Variants in BMPR2 observed in about 807,000 individuals in gnomAD.
The protein encoded by BMPR2 is bone morphogenetic protein receptor type 2.
In BMPR2, 29 loss-of-function variants were observed where a neutral mutation model predicts 100.8. The observed-to-expected ratio is 0.29, with a 90% CI of 0.21 to 0.39. The LOEUF (loss-of-function observed/expected upper bound fraction) is 0.39, where lower values mean the gene tolerates loss of function less well. Ranked by LOEUF, BMPR2 falls within the 10% of genes least tolerant of loss-of-function variation. The probability of loss-of-function intolerance (pLI) is 1.00; values close to 1 mark genes in which losing one functional copy is unlikely to be tolerated. For synonymous variants in BMPR2, 382 were observed against 442.3 expected (o/e 0.86, Z 1.71); for missense variants, 1,011 against 1,274.5 (o/e 0.79, Z 3.15).
intron 7 of BMPR2, among the ~76,000 whole-genome samples, chr2:202,526,805 T>C (rs924079805): frequency 5.9e-5 from 9 of 152,224 alleles, no homozygotes; most frequent in African/African-American, 1.9e-4. Context: ...GGGTAATACC[T>C]TTTTAAAAAC....
intron 3 of BMPR2, among the ~76,000 whole-genome samples, chr2:202,512,450 G>T (rs1687642372): frequency 6.6e-6 from 1 of 152,156 alleles, no homozygotes. Flanking sequence ...CTCAACTAAA[G>T]GCTCTTATCC....
At chr2:202,394,060 T>C (rs1690611774) in intron 1 of BMPR2, among the ~76,000 whole-genome samples, 1 of 152,084 alleles carries the variant, frequency 6.6e-6, no homozygotes, top group Non-Finnish European at 1.5e-5. Context: ...GTATAAAAGA[T>C]TACTCCTGGC....
At chr2:202,499,301 A>C in intron 3 of BMPR2, among the ~76,000 whole-genome samples, 1 of 152,206 alleles carries the variant, frequency 6.6e-6, no homozygotes, top group Non-Finnish European at 1.5e-5. Context: ...CTTTAATGAA[A>C]AGAATGCGGC....
intron 1 of BMPR2, among the ~76,000 whole-genome samples, chr2:202,395,226 T>C (rs753458865): frequency 6.6e-6 from 1 of 152,224 alleles, no homozygotes; most frequent in Non-Finnish European, 1.5e-5. Flanking sequence ...TTCTTCATGT[T>C]GTAAGATACA....
chr2:202,398,681 T>A (rs1690701635), intron 1 of BMPR2, among the ~76,000 whole-genome samples: 1 of 152,242 alleles, frequency 6.6e-6, no homozygotes, highest in Non-Finnish European at 1.5e-5. Flanking sequence ...TATAAGGAGA[T>A]ATTGAGCAAA....
In BMPR2 at chr2:202,460,609, C is replaced by T. The variant is rs181785048; in HGVS notation, c.77-4200C>T. ...TTGAATAAGAGGATTGGAAGAACAC[C>T]TTGAGAAACTCTCACAGAAGCAGAG... On this transcript the variant is annotated intron_variant, in intron 1 of 12. Transcript: ENST00000374580. Among the ~76,000 whole-genome samples, 346 of 152,100 alleles carry T rather than the reference C, an allele frequency of 2.3e-3. 1 individual carries two copies. The highest frequency in any genetic ancestry group is 7.8e-3 in the African/African-American group (324 of 41,498).
intron 1 of BMPR2, among the ~76,000 whole-genome samples, chr2:202,427,510 G>C (rs1248589695): frequency 6.7e-6 from 1 of 149,328 alleles, no homozygotes; most frequent in African/African-American, 2.5e-5. Flanking sequence ...AAAAAAACAA[G>C]AAGCAAGCCC....
intron 9 of BMPR2, among the ~76,000 whole-genome samples, chr2:202,540,135 G>T (rs1373262654): frequency 1.3e-5 from 2 of 152,024 alleles, no homozygotes; most frequent in Non-Finnish European, 2.9e-5. Context: ...AAAAGATTGT[G>T]CTTCAATTTC....
At chr2:202,543,599 C>T (rs940323616) in intron 10 of BMPR2, among the ~76,000 whole-genome samples, 4 of 151,936 alleles carry the variant, frequency 2.6e-5, no homozygotes, top group African/African-American at 7.3e-5. Context: ...TATCACTCTC[C>T]GTAAGTAACT....
intron 5 of BMPR2, among the ~76,000 whole-genome samples, chr2:202,516,583 T>A (rs1309190517): frequency 6.6e-6 from 1 of 151,740 alleles, no homozygotes; most frequent in Non-Finnish European, 1.5e-5. Context: ...GAGGCTGAGG[T>A]TGAAGGATCA....
At chr2:202,378,256 G>A (rs1559287229) in intron 1 of BMPR2, among the ~76,000 whole-genome samples, 1 of 152,140 alleles carries the variant, frequency 6.6e-6, no homozygotes, top group Non-Finnish European at 1.5e-5. Context: ...TCTAAAGGGT[G>A]GTAGTCATCC....
intron 1 of BMPR2, among the ~76,000 whole-genome samples, chr2:202,387,401 A>G (rs1690452580): frequency 6.6e-6 from 1 of 152,218 alleles, no homozygotes; most frequent in Admixed American, 6.5e-5. Flanking sequence ...TATTCTGCAG[A>G]TGAGTAAACT....
At chr2:202,475,690 A>G (rs1238284912) in intron 3 of BMPR2, among the ~76,000 whole-genome samples, 2 of 152,080 alleles carry the variant, frequency 1.3e-5, no homozygotes, top group Non-Finnish European at 1.5e-5. Flanking sequence ...AAAATTTTAC[A>G]TTACTTATTT....
At chr2:202,522,282 C>T (rs1035955607) in intron 7 of BMPR2, among the ~76,000 whole-genome samples, 19 of 151,806 alleles carry the variant, frequency 1.3e-4, no homozygotes, top group African/African-American at 3.4e-4. Context: ...CCGAGGTGGG[C>T]GGATCACAAG....
intron 1 of BMPR2, among the ~76,000 whole-genome samples, chr2:202,396,494 A>G (rs938783211): frequency 1.3e-5 from 2 of 152,202 alleles, no homozygotes; most frequent in African/African-American, 4.8e-5. Context: ...TTTACCAGGT[A>G]GATTCTTCTC....
At chr2:202,453,310 T>C (rs1692026667) in intron 1 of BMPR2, among the ~76,000 whole-genome samples, 1 of 152,068 alleles carries the variant, frequency 6.6e-6, no homozygotes, top group South Asian at 2.1e-4. Context: ...TAATACTAAG[T>C]ATATACCCAA....
intron 3 of BMPR2, among the ~76,000 whole-genome samples, chr2:202,482,569 C>G (rs1692681416): frequency 6.7e-6 from 1 of 149,068 alleles, no homozygotes; most frequent in African/African-American, 2.5e-5. Context: ...GACGGAGTCT[C>G]ACTGTGTCGC....
chr2:202,555,568 C>T lies in BMPR2; in HGVS notation c.1903C>T (p.Pro635Ser). ...GMTTISEMPY[P>S]DETNLHTTNV... ...GACTACTATATCTGAGATGCCATAC[C>T]CAGATGAAACAAATCTGCATACCAC... Residue 635 changes from proline to serine, a missense_variant, in exon 12 of 13, where the codon CCA becomes TCA. Around this residue, in one of 6 missense-constraint regions of BMPR2, gnomAD observed 508 missense variants for 552.0 expected, o/e 0.92. Transcript: ENST00000374580. The T allele has an allele frequency of 6.2e-7, 1 of 1,614,010 alleles. No individual in the cohort carries two copies.
intron 3 of BMPR2, among the ~76,000 whole-genome samples, chr2:202,510,658 GTTTTTTTTGT>G (rs1180749598): frequency 1.3e-5 from 2 of 151,488 alleles, no homozygotes; most frequent in Non-Finnish European, 2.9e-5. Flanking sequence ...CTAAAATGAG[GTTTTTTTTGT>G]TTTTTTTTGT....
Sources: allele counts gnomAD v4.1 joint callset (sites outside exome capture counted in the v4.1 genomes callset), GRCh38; gene constraint gnomAD v4.1.1; regional missense constraint gnomAD v4.1.1; transcripts MANE v1.5; gene names NCBI Gene and HGNC (gene_info 2026-07-23, HGNC 2026-07-21).